RGS12: variants seen among roughly 807,000 people sequenced by gnomAD.
RGS12 encodes regulator of G protein signaling 12.
RGS12 carries 66 observed loss-of-function variants against 120.1 expected under a neutral mutation model. The observed-to-expected ratio is 0.55, with a 90% CI of 0.45 to 0.67. The LOEUF (loss-of-function observed/expected upper bound fraction) is 0.67, where lower values mean the gene tolerates loss of function less well. RGS12 is among the 30% of genes least tolerant of loss of function. The pLI is 0.00. For missense variants in RGS12, 1,859 were observed against 1,957.7 expected (o/e 0.95, Z 0.95); for synonymous variants, 827 against 804.7 (o/e 1.03, Z -0.47).
chr4:3,311,435 C>G (rs1466961760), intron 1 of RGS12, among the ~76,000 whole-genome samples: 1 of 152,196 alleles, frequency 6.6e-6, no homozygotes, highest in African/African-American at 2.4e-5. Context: ...CTAGATCACC[C>G]TGAGTTTTTT....
chr4:3,424,067 A>G (rs555156566), intron 13 of RGS12, among the ~76,000 whole-genome samples: 1 of 152,216 alleles, frequency 6.6e-6, no homozygotes, highest in African/African-American at 2.4e-5. Flanking sequence ...TCTCACCTGC[A>G]CTTTGTAGAT....
upstream of RGS12, among the ~76,000 whole-genome samples, chr4:3,292,520 G>A (rs1429132558): frequency 6.6e-6 from 1 of 152,218 alleles, no homozygotes; most frequent in Non-Finnish European, 1.5e-5. Flanking sequence ...AGGGCGCCGG[G>A]GCCTGACTCC....
At chr4:3,311,571 G>T (rs1018347895) in intron 1 of RGS12, among the ~76,000 whole-genome samples, 1 of 152,184 alleles carries the variant, frequency 6.6e-6, no homozygotes, top group Non-Finnish European at 1.5e-5. Flanking sequence ...CTCTGACACC[G>T]ATGTGGCACC....
At chr4:3,437,797 G>T (rs915271186) in intron 17 of RGS12, among the ~76,000 whole-genome samples, 2 of 152,220 alleles carry the variant, frequency 1.3e-5, no homozygotes, top group Non-Finnish European at 2.9e-5. Context: ...TCGAGGCCAG[G>T]ATGAGGGCCT....
chr4:3,412,127 A>G (rs955038164), intron 4 of RGS12, among the ~76,000 whole-genome samples: 1 of 152,248 alleles, frequency 6.6e-6, no homozygotes, highest in Non-Finnish European at 1.5e-5. Flanking sequence ...AGTTTACATT[A>G]TTTGATTATT....
intron 1 of RGS12, among the ~76,000 whole-genome samples, chr4:3,293,527 G>T (rs1483260937): frequency 6.6e-6 from 1 of 152,116 alleles, no homozygotes; most frequent in Non-Finnish European, 1.5e-5. Flanking sequence ...CGGCCGCTTT[G>T]TTAGGGCAGA....
chr4:3,389,599 A>G lies in RGS12; in HGVS notation c.2020+3162A>G, dbSNP rs1719250709. 6.6e-6 allele frequency among the ~76,000 whole-genome samples: 1 copy of G among 152,170 alleles called. No homozygotes were observed. The highest frequency in any genetic ancestry group is 6.5e-5 in the Admixed American group (1 of 15,290). ...CCTCCGTTGGTCAAGCTCTGTGCCA[A>G]GAGGCCTGCCAGAATCCCCTCACCC... On this transcript the variant is annotated intron_variant, in intron 4 of 17. Coordinates refer to ENST00000336727, the MANE Select transcript of RGS12 (RefSeq NM_001394154.1). This position sits in a 1 kb window ranked among gnomAD's most constrained non-coding sequence, Gnocchi z 5.2.
chr4:3,409,378 G>A (rs13131192), intron 4 of RGS12, among the ~76,000 whole-genome samples: 41,648 of 152,224 alleles, frequency 0.27, 5,930 homozygotes, highest in East Asian at 0.5. Flanking sequence ...ACTTTTAAAG[G>A]GTCAGTTATT....
intron 1 of RGS12, among the ~76,000 whole-genome samples, chr4:3,310,267 A>G (rs1430346966): frequency 7.6e-6 from 1 of 131,960 alleles, no homozygotes; most frequent in African/African-American, 3.0e-5. Context: ...GTGTCCTCTG[A>G]GGGGAACCGT....
At chr4:3,423,915 A>G in intron 13 of RGS12, 1 of 383,492 alleles carries the variant, frequency 2.6e-6, no homozygotes, top group South Asian at 2.8e-5. Context: ...TGAGAAACAA[A>G]GCAACCAACC....
intron 2 of RGS12, among the ~76,000 whole-genome samples, chr4:3,336,267 C>T (rs965743283): frequency 2.6e-5 from 4 of 152,328 alleles, no homozygotes; most frequent in Non-Finnish European, 4.4e-5. Flanking sequence ...AGCGGCTTCC[C>T]GAGGTTGCTA....
At chr4:3,392,697 C>G (rs1286259249) in intron 4 of RGS12, among the ~76,000 whole-genome samples, 1 of 152,098 alleles carries the variant, frequency 6.6e-6, no homozygotes, top group Non-Finnish European at 1.5e-5. Context: ...TTTAAAACCC[C>G]AAAAATGTTG....
At chr4:3,417,611 G>A (rs974949843) in intron 9 of RGS12, 70 bp downstream of exon 9, 1 of 1,537,696 alleles carries the variant, frequency 6.5e-7, no homozygotes, top group African/African-American at 1.4e-5. Flanking sequence ...GCGTCGCTCT[G>A]GTGGTTGGCG....
In RGS12 at chr4:3,402,642, C is replaced by T. The variant is rs550949759; in HGVS notation, c.2021-11430C>T. 1.3e-4 allele frequency among the ~76,000 whole-genome samples: 19 copies of T among 142,952 alleles called. No homozygotes were observed. In the East Asian group the frequency reaches 3.1e-3, roughly 23 times the overall value. 93.8% of individuals were successfully genotyped at this position (142,952 alleles called of 152,430 possible). A position where few individuals can be genotyped will look rare whatever the true frequency, so the allele number is the denominator to read the frequency against. ...GGGCTTCTGCATTGGGTGGCGTCCT[C>T]TGCGTTGGGTGGCGTCCTCTGCGTT... On this transcript the variant is annotated intron_variant, in intron 4 of 17. Coordinates refer to ENST00000336727, the MANE Select transcript of RGS12 (RefSeq NM_001394154.1).
intron 1 of RGS12, among the ~76,000 whole-genome samples, chr4:3,296,176 C>G (rs1416701465): frequency 6.6e-6 from 1 of 152,132 alleles, no homozygotes; most frequent in African/African-American, 2.4e-5. Context: ...CGCTGTCTTT[C>G]TCCTCCTCTT....
Position 3,414,312 on chromosome 4 carries a change from G to T in RGS12, c.2190+71G>T, listed in dbSNP as rs1252010628. The T allele has an allele frequency of 4.8e-6, 7 of 1,455,412 alleles. No homozygotes were observed. The East Asian group carries it at 1.8e-4, about 36-fold the overall frequency. 90.2% of individuals were successfully genotyped at this position (1,455,412 alleles called of 1,614,324 possible). A position where few individuals can be genotyped will look rare whatever the true frequency, so the allele number is the denominator to read the frequency against. ...CAGAGACTACCGAGCAGGATCTGTG[G>T]GCCGCCCTAGAGACAGCGGCACCCT... On this transcript the variant is annotated intron_variant, in intron 5 of 17. Coordinates refer to ENST00000336727, the MANE Select transcript of RGS12 (RefSeq NM_001394154.1).
intron 2 of RGS12, chr4:3,323,870 T>TGA (rs1458847956): frequency 1.4e-5 from 1 of 73,174 alleles, no homozygotes; most frequent in Non-Finnish European, 2.7e-5. Context: ...TGTGTGTGTG[T>TGA]GTGAGAGAGA....
At chr4:3,379,667 T>C (rs1037203166) in intron 3 of RGS12, among the ~76,000 whole-genome samples, 3 of 152,056 alleles carry the variant, frequency 2.0e-5, no homozygotes, top group Non-Finnish European at 4.4e-5. Context: ...ACCATGTCCT[T>C]CTTCATATGG....
chr4:3,347,210 T>C (rs1433763961), intron 3 of RGS12, among the ~76,000 whole-genome samples: 2 of 152,150 alleles, frequency 1.3e-5, no homozygotes, highest in Non-Finnish European at 2.9e-5. Context: ...TTTGGGAGGC[T>C]GAGGTGGGCG....
Sources: allele counts gnomAD v4.1 joint callset (sites outside exome capture counted in the v4.1 genomes callset), GRCh38; gene constraint gnomAD v4.1.1; non-coding constraint Gnocchi (gnomAD v3.1); transcripts MANE v1.5; gene names NCBI Gene and HGNC (gene_info 2026-07-23, HGNC 2026-07-21).